The following PECAM1 variants were observed in gnomAD, a reference collection of about 807,000 sequenced individuals.
PECAM1 encodes platelet and endothelial cell adhesion molecule 1, also known as platelet endothelial cell adhesion molecule.
A neutral mutation model predicts 13.8 loss-of-function variants in PECAM1; 8 were observed. The observed-to-expected ratio is 0.58, with a 90% CI of 0.34 to 1.05. The LOEUF is 1.05. PECAM1 is among the 50% of genes least tolerant of loss of function. PECAM1 has a pLI of 0.03. For missense variants in PECAM1, 304 were observed against 141.2 expected (o/e 2.15, Z -5.84); for synonymous variants, 136 against 52.6 (o/e 2.58, Z -6.86).
intron 6 of PECAM1, among the ~76,000 whole-genome samples, chr17:64,361,575 GAA>G (rs1486684065): frequency 2.0e-5 from 3 of 151,664 alleles, no homozygotes; most frequent in Non-Finnish European, 4.4e-5. Flanking sequence ...CCAATGTAGA[GAA>G]ACCCCGTCTC....
Position 64,378,095 on chromosome 17 carries a change from G to T in PECAM1, c.114C>A (p.Asp38Glu). 1 of 475,184 alleles carries T rather than the reference G, an allele frequency of 2.1e-6. No homozygotes were observed. The highest frequency in any genetic ancestry group is 3.1e-5 in the East Asian group (1 of 32,036). The allele number at this position is 475,184 out of a possible 1,614,324, so 29.4% of individuals were successfully genotyped here. A position where few individuals can be genotyped will look rare whatever the true frequency, so the allele number is the denominator to read the frequency against. Residue 38 changes from aspartate (D) to glutamate (E), a missense_variant, in exon 3 of 16, where the codon GAC becomes GAA. Coordinates refer to ENST00000563924, the MANE Select transcript of PECAM1 (RefSeq NM_000442.5). ...QENSFTINSV[D>E]MKSLPDWTVQ... ...CCGTCCAGTCCGGCAGGCTCTTCAT[G>T]TCAACACTGTTGATTGTGAAAGCTA...
At chr17:64,335,608 A>G (rs2035256275) in intron 14 of PECAM1, among the ~76,000 whole-genome samples, 4 of 152,268 alleles carry the variant, frequency 2.6e-5, no homozygotes, top group Non-Finnish European at 1.5e-5. Context: ...CCCTGGGTTC[A>G]GTCCTTGCTC....
chr17:64,365,262 C>T (rs1206594137), intron 5 of PECAM1, among the ~76,000 whole-genome samples: 1 of 152,164 alleles, frequency 6.6e-6, no homozygotes, highest in Non-Finnish European at 1.5e-5. Context: ...ATCCAACTTA[C>T]AAGGGACATG....
intron 15 of PECAM1, among the ~76,000 whole-genome samples, chr17:64,327,234 T>A (rs2034982157): frequency 6.6e-6 from 1 of 152,242 alleles, no homozygotes; most frequent in Non-Finnish European, 1.5e-5. Flanking sequence ...CCACACCTAC[T>A]ATTGCCCAAG....
At chr17:64,361,191 G>T (rs2035969988) in intron 6 of PECAM1, among the ~76,000 whole-genome samples, 2 of 145,414 alleles carry the variant, frequency 1.4e-5, no homozygotes, top group African/African-American at 2.7e-5. Flanking sequence ...TGTCACCCAG[G>T]CTGGAGTGCA....
chr17:64,385,556 A>G (rs1163901689), intron 2 of PECAM1, among the ~76,000 whole-genome samples: 2 of 26,702 alleles, frequency 7.5e-5, no homozygotes, highest in Non-Finnish European at 1.7e-4. Context: ...CTCCAAGTTC[A>G]GTTCAAGTTC....
chr17:64,364,690 C>A (rs1598035922), intron 5 of PECAM1, among the ~76,000 whole-genome samples: 1 of 150,272 alleles, frequency 6.7e-6, no homozygotes, highest in Admixed American at 6.7e-5. Context: ...TAAATGTAAT[C>A]CAGCATATAA....
intron 2 of PECAM1, among the ~76,000 whole-genome samples, chr17:64,386,648 G>A (rs1468021965): frequency 3.9e-5 from 6 of 152,034 alleles, no homozygotes; most frequent in African/African-American, 1.2e-4. Flanking sequence ...AATGCCACAC[G>A]CAGCTGGGTG....
chr17:64,356,079 C>T, intron 8 of PECAM1, 32 bp downstream of exon 8: 1 of 475,200 alleles, frequency 2.1e-6, no homozygotes, highest in Non-Finnish European at 3.9e-6. Context: ...TGGGAGCCCA[C>T]AGCACAGCTT....
intron 13 of PECAM1, among the ~76,000 whole-genome samples, chr17:64,345,703 G>A (rs1208631375): frequency 8.2e-4 from 106 of 129,990 alleles, no homozygotes; most frequent in African/African-American, 3.1e-3. Context: ...ACAAGAGCAA[G>A]ACTGTCATAA....
At chr17:64,335,862 A>G (rs1244238034) in intron 14 of PECAM1, among the ~76,000 whole-genome samples, 1 of 152,220 alleles carries the variant, frequency 6.6e-6, no homozygotes, top group East Asian at 1.9e-4. Flanking sequence ...TCAACATGGA[A>G]CAAAAGAAAT....
At chr17:64,334,121 T>TAAA (rs1182996970) in intron 14 of PECAM1, among the ~76,000 whole-genome samples, 4 of 121,136 alleles carry the variant, frequency 3.3e-5, no homozygotes, top group East Asian at 2.4e-4. Context: ...ATACAACAAT[T>TAAA]AAAAAAAAAA....
In PECAM1 at chr17:64,356,390, C is replaced by T. The variant is rs1386378097; in HGVS notation, c.1501G>A (p.Asp501Asn). Reference sequence around the variant, plus strand: ...GACAGGATAGAAATCTGGACCTCATCCACCGGGGCTGAAAAGCAGGAAAAG... The same window carrying T: ...GACAGGATAGAAATCTGGACCTCATTCACCGGGGCTGAAAAGCAGGAAAAG... ...VLRVKVIAPVDEVQISILSSK... is the reference protein window; with the variant it reads ...VLRVKVIAPVNEVQISILSSK... Residue 501 changes from aspartate (D) to asparagine (N), a missense_variant, in exon 8 of 16, where the codon GAT becomes AAT. Transcript: ENST00000563924. 6.4e-6 allele frequency: 3 copies of T among 466,756 alleles called. No homozygotes were observed. Among genetic ancestry groups the T allele is most frequent in the Middle Eastern group, 6.0e-4 (1 of 1,674 alleles). 28.9% of individuals were successfully genotyped at this position (466,756 alleles called of 1,614,324 possible).
intron 13 of PECAM1, among the ~76,000 whole-genome samples, chr17:64,342,060 G>A (rs2035445295): frequency 6.6e-6 from 1 of 151,770 alleles, no homozygotes; most frequent in African/African-American, 2.4e-5. Context: ...TAAGGGACGA[G>A]AATCGCTTGA....
chr17:64,329,769 G>A, intron 14 of PECAM1, 47 bp from the exon 15 acceptor site: 1 of 751,292 alleles, frequency 1.3e-6, no homozygotes. Flanking sequence ...AAATAACCCA[G>A]TTCAACTGCC....
chr17:64,381,903 C>G (rs969382432), intron 2 of PECAM1, among the ~76,000 whole-genome samples: 1 of 152,024 alleles, frequency 6.6e-6, no homozygotes, highest in Non-Finnish European at 1.5e-5. Flanking sequence ...GAGTTCAAGA[C>G]CAGCCTGGCC....
At position 64,361,753 on chromosome 17, in the gene PECAM1, C is replaced by CAAAA. The variant is rs61144320; in HGVS notation, c.1217-1342_1217-1339dup. ...GGGTAACAAGAGCAAAACTCCATCT[C>CAAAA]AAAAAAAAAAAAAAAAAAAAAAGAT... On this transcript the variant is annotated intron_variant, in intron 6 of 15. Transcript: ENST00000563924. 7.0e-3 allele frequency among the ~76,000 whole-genome samples: 475 copies of CAAAA among 67,720 alleles called. 17 individuals are homozygous for CAAAA. The highest frequency in any genetic ancestry group is 0.065 in the South Asian group (81 of 1,254). 44.4% of individuals were successfully genotyped at this position (67,720 alleles called of 152,430 possible).
At chr17:64,388,540 T>A (rs917897117) in intron 2 of PECAM1, among the ~76,000 whole-genome samples, 36 of 152,280 alleles carry the variant, frequency 2.4e-4, no homozygotes, top group African/African-American at 8.2e-4. Context: ...AGAGCTTAAG[T>A]AAAACTGGTC....
chr17:64,362,663 T>A (rs1598033608), intron 6 of PECAM1, among the ~76,000 whole-genome samples: 1 of 149,586 alleles, frequency 6.7e-6, no homozygotes, highest in African/African-American at 2.5e-5. Context: ...AAAAAATAAA[T>A]AAATAAATAA....
Sources: gnomAD v4.1 joint callset for allele counts (sites outside exome capture counted in the v4.1 genomes callset) on GRCh38, gnomAD v4.1.1 for gene constraint, MANE v1.5 for transcripts, NCBI Gene and HGNC (gene_info 2026-07-23, HGNC 2026-07-21) for gene names.